The following RARRES2 variants were observed in gnomAD, a reference collection of about 807,000 sequenced individuals.
The protein encoded by RARRES2 is retinoic acid receptor responder protein 2.
RARRES2 carries 12 observed loss-of-function variants against 17.9 expected under a neutral mutation model. The ratio of observed to expected loss-of-function variants is 0.67; its 90% CI spans 0.43 to 1.08. RARRES2 has a LOEUF of 1.08. Among genes scored for constraint, RARRES2 ranks in the 50% least tolerant of loss-of-function variants. The pLI is 0.00. For synonymous variants in RARRES2, 82 were observed against 86.8 expected (o/e 0.94, Z 0.31); for missense variants, 220 against 210.1 (o/e 1.05, Z -0.29).
At chr7:150,338,522 G>GTCCCC in intron 5 of RARRES2, 83 bp from the exon 6 acceptor site, 1 of 1,517,688 alleles carries the variant, frequency 6.6e-7, no homozygotes, top group Non-Finnish European at 8.9e-7. Context: ...CTTCTGACCT[G>GTCCCC]TCCCCTCCCA....
Position 150,339,491 on chromosome 7 carries a change from G to A in RARRES2, c.280-410C>T, listed in dbSNP as rs145898930. Among the ~76,000 whole-genome samples, 769 of 151,982 alleles carry A rather than the reference G, an allele frequency of 5.1e-3. 9 individuals are homozygous for A. Among genetic ancestry groups the A allele is most frequent in the African/African-American group, 0.018 (732 of 41,374 alleles). On this transcript the variant is annotated intron_variant, in intron 3 of 5. Coordinates refer to ENST00000223271, the MANE Select transcript of RARRES2 (RefSeq NM_002889.4). ...CTTCCCACCCAACGCCTCCAGAGTG[G>A]CTCAGCTGTCACCTATTCTATTTAT...
In RARRES2 at chr7:150,339,046, G is replaced by T; in HGVS notation, c.315C>A (p.Gly105=). The change falls in exon 4 of 6, where the codon GGC becomes GGA. Residue 105 remains glycine, a synonymous_variant. Coordinates refer to ENST00000223271, the MANE Select transcript of RARRES2 (RefSeq NM_002889.4). ...ACCGGCCCAGAACTTTGTCCTCAGA[G>T]CCCAGTTTGATGCAGGCCAGGCATT... ...KRKCLACIKL[G]SEDKVLGRLV... is the part of the protein sequence containing the mutation. 6.2e-6 allele frequency: 10 copies of T among 1,613,380 alleles called. No homozygotes were observed. Among genetic ancestry groups the T allele is most frequent in the Non-Finnish European group, 8.5e-6 (10 of 1,179,346 alleles).
intron 3 of RARRES2, among the ~76,000 whole-genome samples, chr7:150,339,856 T>C (rs1454994510): frequency 6.6e-5 from 10 of 151,850 alleles, no homozygotes; most frequent in Admixed American, 6.6e-4. Flanking sequence ...AGTCCAGGGG[T>C]AACCAAACCA....
At chr7:150,340,387 T>G in intron 2 of RARRES2, 49 bp downstream of exon 2, 1 of 1,558,982 alleles carries the variant, frequency 6.4e-7, no homozygotes, top group South Asian at 1.2e-5. Flanking sequence ...AATGCGCTGG[T>G]CTCCTGGGGT....
Position 150,340,204 on chromosome 7 carries a change from G to T in RARRES2, c.175C>A (p.Pro59Thr), listed in dbSNP as rs139184344. Residue 59 changes from proline (P) to threonine (T), a missense_variant and splice_region_variant, in exon 3 of 6, where the codon CCC becomes ACC. Pro to Thr is a conservative substitution (Grantham distance 38). Transcript: ENST00000223271. ...ETSVESAVDT[P>T]FPAGIFVRLE... ...CTCACAAATATTCCAGCTGGGAAGGGCTGCGGACAGACAGGCAGGCAGAGG... is the reference window on the plus strand; with the variant it reads ...CTCACAAATATTCCAGCTGGGAAGGTCTGCGGACAGACAGGCAGGCAGAGG... The T allele has an allele frequency of 4.1e-4, 659 of 1,613,990 alleles. 1 individual carries two copies. Among genetic ancestry groups the T allele is most frequent in the Non-Finnish European group, 5.4e-4 (636 of 1,179,928 alleles).
intron 1 of RARRES2, 37 bp from the exon 2 acceptor site, chr7:150,340,666 C>A: frequency 7.0e-7 from 1 of 1,433,222 alleles, no homozygotes; most frequent in Admixed American, 2.7e-5. Context: ...CTCTCCGAGC[C>A]AGCCCGAGCC....
intron 1 of RARRES2, 75 bp from the exon 2 acceptor site, chr7:150,340,704 G>C: frequency 7.7e-7 from 1 of 1,302,218 alleles, no homozygotes. Context: ...GCTCTGGGGG[G>C]AGGGTGGGGA....
In RARRES2 at chr7:150,338,668, AAGT is replaced by A; in HGVS notation, c.446_448del (p.Tyr149del). The A allele has an allele frequency of 1.3e-6, 2 of 1,555,716 alleles. No individual in the cohort carries two copies. Among genetic ancestry groups the A allele is most frequent in the Non-Finnish European group, 1.7e-6 (2 of 1,149,144 alleles). ...CTTGGAGAAGGCGAACTGTCCAGGG[AAGT>A]AGAAGCTGTGGGGGTCCTCACCAGC... is the stretch of plus-strand genomic sequence containing the variant. On this transcript the variant is annotated inframe_deletion, in exon 5 of 6. Coordinates refer to ENST00000223271, the MANE Select transcript of RARRES2 (RefSeq NM_002889.4).
chr7:150,340,717 G>C (rs932547540), intron 1 of RARRES2, 88 bp from the exon 2 acceptor site: 9 of 1,172,804 alleles, frequency 7.7e-6, no homozygotes, highest in African/African-American at 2.0e-5. Flanking sequence ...GGTGGGGAGC[G>C]GGGGCGGGGT....
Position 150,338,809 on chromosome 7 carries a change from A to G in RARRES2, c.376-68T>C, listed in dbSNP as rs1437953509. On this transcript the variant is annotated intron_variant, in intron 4 of 5. Coordinates refer to ENST00000223271, the MANE Select transcript of RARRES2 (RefSeq NM_002889.4). ...GCAGTGCCAGTGGAGGGCTGCCAGCATCCTCCACATCCCCTCCACATCCCT... is the reference window on the plus strand; with the variant it reads ...GCAGTGCCAGTGGAGGGCTGCCAGCGTCCTCCACATCCCCTCCACATCCCT... 1.2e-5 allele frequency: 19 copies of G among 1,565,900 alleles called. No individual in the cohort carries two copies. The East Asian group carries it at 2.6e-4, about 21-fold the overall frequency.
chr7:150,339,522 T>C (rs1000769980), intron 3 of RARRES2, among the ~76,000 whole-genome samples: 2 of 118,480 alleles, frequency 1.7e-5, no homozygotes, highest in Non-Finnish European at 3.4e-5. Context: ...TTTATTTTCT[T>C]GTAAGATTTG....
chr7:150,341,495 C>A (rs981990709), intron 1 of RARRES2, 83 bp downstream of exon 1: 6 of 152,028 alleles, frequency 3.9e-5, no homozygotes, highest in African/African-American at 1.5e-4. Context: ...AGGGTGGTCG[C>A]CTTAGAGCAA....
At chr7:150,340,066 C>T (rs1396734012) in intron 3 of RARRES2, 34 bp downstream of exon 3, 1 of 1,574,176 alleles carries the variant, frequency 6.4e-7, no homozygotes, top group South Asian at 1.1e-5. Flanking sequence ...TCACACCCAG[C>T]ATGCGCCCAT....
At chr7:150,338,819 T>TC (rs1798402525) in intron 4 of RARRES2, 78 bp from the exon 5 acceptor site, 2 of 1,564,814 alleles carry the variant, frequency 1.3e-6, no homozygotes, top group Non-Finnish European at 1.7e-6. Context: ...ATCCTCCACA[T>TC]CCCCTCCACA....
chr7:150,341,541 C>T (rs76494267), intron 1 of RARRES2, 37 bp downstream of exon 1: 4,152 of 152,772 alleles, frequency 0.027, 198 homozygotes, highest in African/African-American at 0.094. Context: ...GCTGCCCCTC[C>T]GCCCGGCTGC....
chr7:150,340,455 A>C lies in RARRES2; in HGVS notation c.155T>G (p.Val52Gly). 1 of 1,608,530 alleles carries C rather than the reference A, an allele frequency of 6.2e-7. No individual in the cohort carries two copies. The highest frequency in any genetic ancestry group is 1.3e-5 in the African/African-American group (1 of 74,882). Residue 52 changes from valine (V) to glycine (G), a missense_variant, in exon 2 of 6, where the codon GTG (valine) becomes GGG (glycine). Coordinates refer to ENST00000223271, the MANE Select transcript of RARRES2 (RefSeq NM_002889.4). ...PVQWAFQETS[V>G]ESAVDTPFPA... ...ACTCACCGTGTCCACGGCGCTCTCCACACTGGTCTCCTGGAAGGCCCACTG... is the reference window on the plus strand; with the variant it reads ...ACTCACCGTGTCCACGGCGCTCTCCCCACTGGTCTCCTGGAAGGCCCACTG...
chr7:150,340,117 T>G lies in RARRES2; in HGVS notation c.262A>C (p.Lys88Gln). The G allele has an allele frequency of 1.2e-6, 2 of 1,614,138 alleles. No individual in the cohort carries two copies. Among genetic ancestry groups the G allele is most frequent in the South Asian group, 1.1e-5 (1 of 91,082 alleles). The change falls in exon 3 of 6, where the codon AAA becomes CAA. Residue 88 changes from lysine to glutamine, a missense_variant. By Grantham distance (53) the Lys-to-Gln change is moderately conservative (BLOSUM62 1). Transcript: ENST00000223271. ...RKRDWKKPEC[K>Q]VRPNGRKRKC... The stretch of plus-strand genomic sequence containing the variant: ...TCACTCACCCCATTGGGCCTGACTT[T>G]GCACTCGGGTTTCTTCCAGTCCCTC...
At position 150,338,342 on chromosome 7, in the gene RARRES2, T is replaced by G; in HGVS notation, c.*108A>C. The G allele has an allele frequency of 1.4e-6, 2 of 1,408,738 alleles. No individual in the cohort carries two copies. The highest frequency in any genetic ancestry group is 9.4e-7 in the Non-Finnish European group (1 of 1,066,028). The allele number at this position is 1,408,738 out of a possible 1,614,324, so 87.3% of individuals were successfully genotyped here. A position where few individuals can be genotyped will look rare whatever the true frequency, so the allele number is the denominator to read the frequency against. ...CTGAGAGGCAGCTGGGAGAGCAGCT[T>G]TATTATCATGGCTGGGGATAGAACG... On this transcript the variant is annotated 3_prime_UTR_variant, in exon 6 of 6. Transcript: ENST00000223271.
chr7:150,338,630 T>C lies in RARRES2; in HGVS notation c.487A>G (p.Ser163Gly). 1 of 1,554,518 alleles carries C rather than the reference T, an allele frequency of 6.4e-7. No individual in the cohort carries two copies. The highest frequency in any genetic ancestry group is 1.2e-5 in the South Asian group (1 of 84,222). Residue 163 changes from serine to glycine, a missense_variant, in exon 5 of 6, where the codon AGC (serine) becomes GGC (glycine). Ser to Gly is a moderately conservative substitution (Grantham distance 56, BLOSUM62 0). Coordinates refer to ENST00000223271, the MANE Select transcript of RARRES2 (RefSeq NM_002889.4). ...QFAFSKALPR[S>G] ...TGGTGCCTACCAGTGCTGGCTTAGC[T>C]GCGGGGCAGGGCCTTGGAGAAGGCG...
Sources: gnomAD v4.1 joint callset for allele counts (sites outside exome capture counted in the v4.1 genomes callset) on GRCh38, gnomAD v4.1.1 for gene constraint, MANE v1.5 for transcripts, NCBI Gene and HGNC (gene_info 2026-07-23, HGNC 2026-07-21) for gene names.